Variants in UBE2E2 observed in about 807,000 individuals in gnomAD.
The protein encoded by UBE2E2 is ubiquitin-conjugating enzyme E2 E2.
A neutral mutation model predicts 24.7 loss-of-function variants in UBE2E2; 6 were observed. The ratio of observed to expected loss-of-function variants is 0.24; its 90% CI spans 0.13 to 0.48. UBE2E2 has a LOEUF of 0.48. UBE2E2 is among the 20% of genes least tolerant of loss of function. The pLI, the probability that UBE2E2 is intolerant of heterozygous loss-of-function variation, is 0.99. For synonymous variants in UBE2E2, 104 were observed against 83.6 expected (o/e 1.24, Z -1.33); for missense variants, 169 against 245.0 (o/e 0.69, Z 2.07).
chr3:23,426,630 T>C (rs1697933326), intron 3 of UBE2E2, among the ~76,000 whole-genome samples: 1 of 152,116 alleles, frequency 6.6e-6, no homozygotes, highest in Non-Finnish European at 1.5e-5. Context: ...AAAAATTCCA[T>C]ACCCTGCAAA....
rs183596788 is a variant in UBE2E2 at position 23,566,746 on chromosome 3, C to G, written c.509-22988C>G. On this transcript the variant is annotated intron_variant, in intron 5 of 5. Coordinates refer to ENST00000396703, the MANE Select transcript of UBE2E2 (RefSeq NM_152653.4). ...GAGCCGTTCATGAGGGATCCACCCC[C>G]CTGACCCCAACACCTGCCACTAGGC... Among the ~76,000 whole-genome samples, 15 of 152,240 alleles carry G rather than the reference C, an allele frequency of 9.9e-5. No homozygotes were observed. In the East Asian group the frequency reaches 2.7e-3, roughly 27 times the overall value.
At chr3:23,344,278 A>G (rs1695484226) in intron 3 of UBE2E2, among the ~76,000 whole-genome samples, 1 of 152,164 alleles carries the variant, frequency 6.6e-6, no homozygotes. Flanking sequence ...CAATAGAGAC[A>G]GCCAGTTTAC....
chr3:23,393,946 C>T (rs1052566024), intron 3 of UBE2E2, among the ~76,000 whole-genome samples: 4 of 152,178 alleles, frequency 2.6e-5, no homozygotes, highest in African/African-American at 4.8e-5. Flanking sequence ...ACAAAAAGTA[C>T]ACAAGGCTGA....
intron 2 of UBE2E2, among the ~76,000 whole-genome samples, chr3:23,214,357 G>C (rs7646028): frequency 0.042 from 6,391 of 152,058 alleles, 463 homozygotes; most frequent in African/African-American, 0.15. Context: ...GGGCTCAAGT[G>C]ATCCTCCTGC....
chr3:23,419,054 A>G (rs1697727307), intron 3 of UBE2E2, among the ~76,000 whole-genome samples: 1 of 151,936 alleles, frequency 6.6e-6, no homozygotes, highest in Admixed American at 6.6e-5. Flanking sequence ...CCTGGGCCCA[A>G]GGGAACCTCC....
At chr3:23,350,714 C>T (rs1462006755) in intron 3 of UBE2E2, among the ~76,000 whole-genome samples, 3 of 152,182 alleles carry the variant, frequency 2.0e-5, no homozygotes, top group African/African-American at 7.2e-5. Flanking sequence ...TGAACAAAGC[C>T]TCCAAGAAAT....
At chr3:23,258,672 T>A (rs2125352151) in intron 3 of UBE2E2, among the ~76,000 whole-genome samples, 2 of 152,150 alleles carry the variant, frequency 1.3e-5, no homozygotes, top group East Asian at 3.9e-4. Flanking sequence ...GGCGGGCAGA[T>A]CACGAGCTCA....
intron 3 of UBE2E2, among the ~76,000 whole-genome samples, chr3:23,358,365 G>A (rs756637483): frequency 6.6e-6 from 1 of 152,104 alleles, no homozygotes; most frequent in Non-Finnish European, 1.5e-5. Context: ...CAGTGGTGAT[G>A]GTTCACAATG....
intron 3 of UBE2E2, among the ~76,000 whole-genome samples, chr3:23,387,846 T>G (rs1029818611): frequency 3.3e-5 from 5 of 152,194 alleles, no homozygotes; most frequent in African/African-American, 1.2e-4. Flanking sequence ...CTTGTCAAAT[T>G]GCTTAACAGA....
intron 5 of UBE2E2, among the ~76,000 whole-genome samples, chr3:23,564,483 A>G (rs1696015985): frequency 6.6e-6 from 1 of 152,114 alleles, no homozygotes; most frequent in African/African-American, 2.4e-5. Context: ...CCAATCTCCA[A>G]AAAATACTCC....
chr3:23,314,130 C>T (rs1222994689), intron 3 of UBE2E2, among the ~76,000 whole-genome samples: 1 of 151,924 alleles, frequency 6.6e-6, no homozygotes, highest in East Asian at 1.9e-4. Context: ...GCTGTAGTTA[C>T]TCTTTTTGTT....
chr3:23,299,188 G>C (rs1225159746), intron 3 of UBE2E2, among the ~76,000 whole-genome samples: 3 of 151,944 alleles, frequency 2.0e-5, no homozygotes, highest in Non-Finnish European at 4.4e-5. Flanking sequence ...TTCTTTATTA[G>C]TCTTGCTGGC....
At chr3:23,352,315 T>C (rs1479586754) in intron 3 of UBE2E2, among the ~76,000 whole-genome samples, 1 of 151,664 alleles carries the variant, frequency 6.6e-6, no homozygotes, top group African/African-American at 2.4e-5. Flanking sequence ...AACATCACAA[T>C]TAAAAGAGCT....
intron 3 of UBE2E2, chr3:23,449,995 AC>A: frequency 1.1e-6 from 1 of 915,076 alleles, no homozygotes; most frequent in Non-Finnish European, 1.3e-6. Context: ...CCACGTGAGT[AC>A]AGCAATGGCT....
chr3:23,574,032 A>T (rs1696286040), intron 5 of UBE2E2, among the ~76,000 whole-genome samples: 1 of 152,212 alleles, frequency 6.6e-6, no homozygotes, highest in Admixed American at 6.5e-5. Flanking sequence ...ATGGAGTACT[A>T]TTCAACAGTA....
At chr3:23,535,894 G>T (rs542272701) in intron 5 of UBE2E2, among the ~76,000 whole-genome samples, 6 of 152,070 alleles carry the variant, frequency 3.9e-5, no homozygotes, top group Non-Finnish European at 7.4e-5. Context: ...GTGCTGGGAT[G>T]ACAGGCGTGA....
chr3:23,258,507 T>C (rs891462019), intron 3 of UBE2E2, among the ~76,000 whole-genome samples: 1 of 152,176 alleles, frequency 6.6e-6, no homozygotes, highest in Non-Finnish European at 1.5e-5. Context: ...TCAGTTTTGT[T>C]AATAACAACG....
At chr3:23,298,440 T>G (rs1319165771) in intron 3 of UBE2E2, among the ~76,000 whole-genome samples, 1 of 152,222 alleles carries the variant, frequency 6.6e-6, no homozygotes, top group East Asian at 1.9e-4. Context: ...TAGATAGCTC[T>G]TATTATTTTG....
rs535277154 is a variant in UBE2E2 at position 23,440,063 on chromosome 3, C to T, written c.228-59545C>T. 2.3e-3 allele frequency among the ~76,000 whole-genome samples: 346 copies of T among 151,778 alleles called. 1 individual carries two copies. Among genetic ancestry groups the T allele is most frequent in the Middle Eastern group, 3.5e-3 (1 of 286 alleles). On this transcript the variant is annotated intron_variant, in intron 3 of 5. Transcript: ENST00000396703. ...GAGGTGGGTGGATCACGAACGAGGT[C>T]AGGAGTTCAAGACCAGCCTGGCCAA...
Sources: allele counts gnomAD v4.1 joint callset (sites outside exome capture counted in the v4.1 genomes callset), GRCh38; gene constraint gnomAD v4.1.1; transcripts MANE v1.5; gene names NCBI Gene and HGNC (gene_info 2026-07-23, HGNC 2026-07-21).